MPP3: variants seen among roughly 807,000 people sequenced by gnomAD.
MPP3 encodes the protein MAGUK p55 scaffold protein 3.
In MPP3, 48 loss-of-function variants were observed where a neutral mutation model predicts 80.7. The ratio of observed to expected loss-of-function variants is 0.59; its 90% CI spans 0.47 to 0.76. The LOEUF (loss-of-function observed/expected upper bound fraction) is 0.76, where lower values mean the gene tolerates loss of function less well. Ranked by LOEUF, MPP3 falls within the 30% of genes least tolerant of loss-of-function variation. The pLI, the probability that MPP3 is intolerant of heterozygous loss-of-function variation, is 0.00. For missense variants in MPP3, 620 were observed against 763.0 expected, an observed-to-expected ratio of 0.81 and a Z score of 2.21; for synonymous variants, 311 against 297.6, an observed-to-expected ratio of 1.04 and a Z score of -0.46.
At chr17:43,807,033 G>T (rs574034029) in intron 19 of MPP3, among the ~76,000 whole-genome samples, 1 of 151,424 alleles carries the variant, frequency 6.6e-6, no homozygotes, top group Non-Finnish European at 1.5e-5. Context: ...GTGCAGTGGC[G>T]TGATTTTGGC....
chr17:43,814,485 C>A (rs1598337377), intron 14 of MPP3, 124 bp from the exon 15 acceptor site: 1 of 888,346 alleles, frequency 1.1e-6, no homozygotes, highest in Non-Finnish European at 1.7e-6. Context: ...CTTCTCCCAA[C>A]CTCCTCCTGC....
At chr17:43,825,917 AGGGGCCGGCCTG>A in intron 8 of MPP3, 76 bp from the exon 9 acceptor site, 1 of 941,924 alleles carries the variant, frequency 1.1e-6, no homozygotes, top group Non-Finnish European at 1.7e-6. Context: ...CAAGCACCAC[AGGGGCCGGCCTG>A]AGAAGCCCAC....
chr17:43,832,024 T>A, intron 2 of MPP3, 81 bp from the exon 3 acceptor site: 2 of 868,838 alleles, frequency 2.3e-6, no homozygotes, highest in Non-Finnish European at 3.8e-6. Flanking sequence ...TCTACTGTGT[T>A]CTCTGAGACC....
At position 43,830,050 on chromosome 17, in the gene MPP3, G is replaced by A. The variant is rs376856767; in HGVS notation, c.280C>T (p.Leu94=). The change falls in exon 6 of 20, where the codon CTG becomes TTG. Residue 94 remains leucine, a synonymous_variant. Coordinates refer to ENST00000398389, the MANE Select transcript of MPP3 (RefSeq NM_001932.6). ...ACCCTCAGGTGCGGGGTGGACAGCA[G>A]CTGGAGCAGCTCCCTCTCATCACTG... is the stretch of plus-strand genomic sequence containing the variant. ...VHSDERELLQ[L]LSTPHLRAVL... is the part of the protein sequence containing the mutation. 3 of 1,593,746 alleles carry A rather than the reference G, an allele frequency of 1.9e-6. No homozygotes were observed. The African/African-American group carries it at 4.0e-5, about 21-fold the overall frequency.
In MPP3 at chr17:43,814,371, AG is replaced by A; in HGVS notation, c.1010-11del. On this transcript the variant is annotated splice_polypyrimidine_tract_variant and intron_variant, in intron 14 of 19. Coordinates refer to ENST00000398389, the MANE Select transcript of MPP3 (RefSeq NM_001932.6). ...CTCCTCCGAAGACCAGCTTGGGAGG[AG>A]GGGCAGAGGGACACCATGGCATTTG... 1 of 1,588,518 alleles carries A rather than the reference AG, an allele frequency of 6.3e-7. No homozygotes were observed.
At chr17:43,806,504 C>T (rs987213864) in intron 19 of MPP3, among the ~76,000 whole-genome samples, 2 of 152,108 alleles carry the variant, frequency 1.3e-5, no homozygotes, top group East Asian at 3.9e-4. Flanking sequence ...TACTTCAATA[C>T]ATCCTGTAAG....
Position 43,831,726 on chromosome 17 carries a change from C to T in MPP3, c.26-49G>A, listed in dbSNP as rs138433093. On this transcript the variant is annotated intron_variant, in intron 3 of 19. Coordinates refer to ENST00000398389, the MANE Select transcript of MPP3 (RefSeq NM_001932.6). ...AGGATAGCAAACGCAGTGGGTGCTC[C>T]CTGCCCCCGAGGAGCCCGAGTGGGG... 4.4e-5 allele frequency: 66 copies of T among 1,516,388 alleles called. No homozygotes were observed. In the African/African-American group the frequency reaches 6.3e-4, roughly 15 times the overall value. The allele number at this position is 1,516,388 out of a possible 1,614,324, so 93.9% of individuals were successfully genotyped here.
In MPP3 at chr17:43,831,928, C is replaced by G. The variant is rs1567833867; in HGVS notation, c.-22G>C. 6.2e-7 allele frequency: 1 copy of G among 1,612,138 alleles called. No individual in the cohort carries two copies. On this transcript the variant is annotated 5_prime_UTR_variant, in exon 3 of 20. Coordinates refer to ENST00000398389, the MANE Select transcript of MPP3 (RefSeq NM_001932.6). ...GCATGCTGGCGTTGTCACCTCCCGA[C>G]CTCTCCCTGCAGATTCTGGGAGAAG...
chr17:43,827,734 G>A lies in MPP3; in HGVS notation c.523+17C>T, dbSNP rs1266519549. The A allele has an allele frequency of 1.2e-6, 2 of 1,608,414 alleles. No homozygotes were observed. Among genetic ancestry groups the A allele is most frequent in the Non-Finnish European group, 1.7e-6 (2 of 1,179,784 alleles). ...CCATGATCGGGGCTGGGCCAGCTTT[G>A]CACTGCCGCCACTCACCGCTCCTGT... On this transcript the variant is annotated intron_variant, in intron 8 of 19. Transcript: ENST00000398389.
intron 14 of MPP3, among the ~76,000 whole-genome samples, chr17:43,814,916 A>T (rs770071719): frequency 1.3e-5 from 2 of 152,212 alleles, no homozygotes; most frequent in African/African-American, 2.4e-5. Flanking sequence ...AAAAATTCAG[A>T]GATGTGGGAA....
intron 18 of MPP3, 81 bp downstream of exon 18, chr17:43,810,726 G>GT: frequency 1.1e-6 from 1 of 940,368 alleles, no homozygotes; most frequent in Admixed American, 2.4e-5. Flanking sequence ...CTTAGACTGA[G>GT]GTTAAGTGTT....
In MPP3 at chr17:43,809,269, G is replaced by A. The variant is rs529973039; in HGVS notation, c.1459-191C>T. On this transcript the variant is annotated intron_variant, in intron 18 of 19. Transcript: ENST00000398389. ...TCCTTTTCTCATCCTTCACTTTGAC[G>A]TTGAACTCAGCGGGGCCCTGAAGTC... Among the ~76,000 whole-genome samples, 4 of 152,230 alleles carry A rather than the reference G, an allele frequency of 2.6e-5. No individual in the cohort carries two copies. In the South Asian group the frequency reaches 6.2e-4, roughly 24 times the overall value.
At chr17:43,811,048 G>A (rs757996846) in intron 17 of MPP3, 64 bp downstream of exon 17, 87 of 1,508,042 alleles carry the variant, frequency 5.8e-5, no homozygotes, top group Non-Finnish European at 7.9e-5. Context: ...AGGAGCTCTA[G>A]TGGAATACAG....
At chr17:43,808,772 G>A (rs2044723505) in intron 19 of MPP3, among the ~76,000 whole-genome samples, 184 bp downstream of exon 19, 1 of 150,598 alleles carries the variant, frequency 6.6e-6, no homozygotes, top group African/African-American at 2.5e-5. Context: ...TGTTCACCTT[G>A]AGCCTTCTGG....
chr17:43,831,760 A>G lies in MPP3; in HGVS notation c.26-83T>C. On this transcript the variant is annotated intron_variant, in intron 3 of 19. Coordinates refer to ENST00000398389, the MANE Select transcript of MPP3 (RefSeq NM_001932.6). ...GAGGAGCCCGAGTGGGGCCTCAAACAGCACTTCAGTCCTGCCGTGAGGACA... is the reference window on the plus strand; with the variant it reads ...GAGGAGCCCGAGTGGGGCCTCAAACGGCACTTCAGTCCTGCCGTGAGGACA... 1.4e-6 allele frequency: 2 copies of G among 1,426,680 alleles called. 1 individual carries two copies. Among genetic ancestry groups the G allele is most frequent in the Middle Eastern group, 5.0e-4 (2 of 3,994 alleles). 88.4% of individuals were successfully genotyped at this position (1,426,680 alleles called of 1,614,324 possible).
At chr17:43,828,047 A>G (rs1392960397) in intron 7 of MPP3, among the ~76,000 whole-genome samples, 1 of 152,176 alleles carries the variant, frequency 6.6e-6, no homozygotes, top group Non-Finnish European at 1.5e-5. Context: ...ATGCTGCAAC[A>G]TTTTAGATGA....
At chr17:43,816,161 G>T in intron 13 of MPP3, 82 bp from the exon 14 acceptor site, 1 of 1,238,478 alleles carries the variant, frequency 8.1e-7, no homozygotes, top group Non-Finnish European at 1.1e-6. Context: ...TGGATGGCCA[G>T]GCAGGAAGAG....
Position 43,827,874 on chromosome 17 carries a change from C to T in MPP3, c.442-42G>A, listed in dbSNP as rs767309344. 2.5e-6 allele frequency: 4 copies of T among 1,593,558 alleles called. No individual in the cohort carries two copies. In the Admixed American group the frequency reaches 6.7e-5, roughly 27 times the overall value. ...AGAGACAGGTTCTTAAGCAGCAGCT[C>T]CAAACCTCAGACCCCTACTCTCTGG... is the stretch of plus-strand genomic sequence containing the variant. On this transcript the variant is annotated intron_variant, in intron 7 of 19. Transcript: ENST00000398389.
intron 10 of MPP3, 141 bp downstream of exon 10, chr17:43,823,790 C>A: frequency 3.3e-6 from 2 of 604,782 alleles, no homozygotes; most frequent in South Asian, 2.2e-5. Flanking sequence ...TAAAGTCCTC[C>A]ACTGGGCACA....
Sources: gnomAD v4.1 joint callset for allele counts (sites outside exome capture counted in the v4.1 genomes callset) on GRCh38, gnomAD v4.1.1 for gene constraint, MANE v1.5 for transcripts, NCBI Gene and HGNC (gene_info 2026-07-23, HGNC 2026-07-21) for gene names.